HSD17B2: variants seen among roughly 807,000 people sequenced by gnomAD.
HSD17B2 encodes 17-beta-hydroxysteroid dehydrogenase type 2.
Under a neutral mutation model 26.9 loss-of-function variants are expected in HSD17B2, and 32 were observed. The observed-to-expected ratio is 1.19, with a 90% CI of 0.90 to 1.60. The LOEUF (loss-of-function observed/expected upper bound fraction) is 1.60, where lower values mean the gene tolerates loss of function less well. Ranked by LOEUF, HSD17B2 falls within the 40% of genes most tolerant of loss-of-function variation. HSD17B2 has a pLI of 0.00. For missense variants in HSD17B2, 613 were observed against 468.6 expected, an observed-to-expected ratio of 1.31 and a Z score of -2.85; for synonymous variants, 246 against 186.7, an observed-to-expected ratio of 1.32 and a Z score of -2.59.
chr16:82,036,723 C>T (rs756928353), intron 1 of HSD17B2, among the ~76,000 whole-genome samples: 8 of 152,130 alleles, frequency 5.3e-5, no homozygotes, highest in Admixed American at 1.3e-4. Flanking sequence ...AGAAAAGAAG[C>T]TTCTTTAAAT....
chr16:82,058,040 T>A (rs548952212), intron 1 of HSD17B2, among the ~76,000 whole-genome samples: 1 of 152,210 alleles, frequency 6.6e-6, no homozygotes, highest in East Asian at 1.9e-4. Context: ...TGTAACTACA[T>A]CATACTAATG....
intron 1 of HSD17B2, among the ~76,000 whole-genome samples, chr16:82,058,814 T>G (rs1641483025): frequency 6.6e-6 from 1 of 152,184 alleles, no homozygotes; most frequent in Non-Finnish European, 1.5e-5. Context: ...AATCTGATTT[T>G]TAGGCACTGT....
intron 4 of HSD17B2, chr16:82,097,284 G>GTATATATATATATACACATATATA: frequency 8.5e-6 from 1 of 118,304 alleles, no homozygotes; most frequent in Non-Finnish European, 1.9e-5. Flanking sequence ...GTGTATGTGT[G>GTATATATATATATACACATATATA]TGTGTGTGTA....
At chr16:82,053,639 C>G (rs143744728) in intron 1 of HSD17B2, among the ~76,000 whole-genome samples, 1 of 152,068 alleles carries the variant, frequency 6.6e-6, no homozygotes, top group Non-Finnish European at 1.5e-5. Flanking sequence ...AGCACCTAGC[C>G]CAGCATGGGG....
chr16:82,048,749 G>C (rs1481613499), intron 1 of HSD17B2, among the ~76,000 whole-genome samples: 1 of 152,212 alleles, frequency 6.6e-6, no homozygotes, highest in Non-Finnish European at 1.5e-5. Context: ...GGTTAGAAAG[G>C]CAATTTACTT....
chr16:82,058,895 CTG>C (rs1242551921), intron 1 of HSD17B2, among the ~76,000 whole-genome samples: 4 of 152,096 alleles, frequency 2.6e-5, no homozygotes, highest in Non-Finnish European at 5.9e-5. Context: ...GAACATGAAA[CTG>C]TGAGAAGGTG....
chr16:82,079,003 C>T (rs774768137), intron 3 of HSD17B2, among the ~76,000 whole-genome samples: 9 of 152,112 alleles, frequency 5.9e-5, no homozygotes, highest in Non-Finnish European at 1.2e-4. Flanking sequence ...TTTAATTGTG[C>T]ATTTAAAAAT....
chr16:82,042,464 A>G (rs1038588101), intron 1 of HSD17B2, among the ~76,000 whole-genome samples: 1 of 152,240 alleles, frequency 6.6e-6, no homozygotes, highest in Admixed American at 6.5e-5. Context: ...CCTCATGACT[A>G]GAGAAGGCAG....
At chr16:82,086,267 A>G (rs1904524600) in intron 3 of HSD17B2, among the ~76,000 whole-genome samples, 1 of 152,228 alleles carries the variant, frequency 6.6e-6, no homozygotes, top group Admixed American at 6.5e-5. Context: ...AAAATGTGGC[A>G]TATCCATATA....
At chr16:82,049,672 A>G (rs1471151881) in intron 1 of HSD17B2, among the ~76,000 whole-genome samples, 1 of 152,248 alleles carries the variant, frequency 6.6e-6, no homozygotes. Context: ...CATAAACAAG[A>G]GAGTCTTGGA....
chr16:82,090,064 A>G (rs1904639088), intron 3 of HSD17B2: 1 of 182,270 alleles, frequency 5.5e-6, no homozygotes. Context: ...CCCTAGAATA[A>G]GTCCTTTCTC....
chr16:82,035,453 G>C lies in HSD17B2; in HGVS notation c.29G>C (p.Trp10Ser), dbSNP rs752150699. 6.2e-7 allele frequency: 1 copy of C among 1,613,514 alleles called. No homozygotes were observed. The highest frequency in any genetic ancestry group is 8.5e-7 in the Non-Finnish European group (1 of 1,179,812). ...AGCACTTTCTTCTCGGACACAGCAT[G>C]GATCTGCCTGGCTGTCCCCACAGTA... MSTFFSDTA[W>S]ICLAVPTVLC... Residue 10 changes from tryptophan to serine, a missense_variant, in exon 1 of 5, where the codon TGG becomes TCG. By Grantham distance (177) the Trp-to-Ser change is radical (BLOSUM62 -3). Transcript: ENST00000199936.
intron 1 of HSD17B2, among the ~76,000 whole-genome samples, chr16:82,058,746 C>T (rs191464295): frequency 4.6e-5 from 7 of 152,112 alleles, no homozygotes; most frequent in Non-Finnish European, 8.8e-5. Context: ...AATATAGAAT[C>T]GAGAAACCCT....
chr16:82,050,625 C>T (rs1005819279), intron 1 of HSD17B2, among the ~76,000 whole-genome samples: 2 of 152,126 alleles, frequency 1.3e-5, no homozygotes, highest in Non-Finnish European at 2.9e-5. Context: ...GGAATCCGAG[C>T]CCCCAGATCC....
At chr16:82,051,508 C>G (rs568476764) in intron 1 of HSD17B2, among the ~76,000 whole-genome samples, 26 of 151,488 alleles carry the variant, frequency 1.7e-4, no homozygotes, top group Non-Finnish European at 3.4e-4. Context: ...TAAGTGGGAA[C>G]TGAACTATGA....
chr16:82,061,142 C>A (rs1739465442), intron 1 of HSD17B2, among the ~76,000 whole-genome samples: 1 of 151,848 alleles, frequency 6.6e-6, no homozygotes, highest in African/African-American at 2.4e-5. Flanking sequence ...GCATGTAATC[C>A]CAGCTACTTG....
intron 3 of HSD17B2, among the ~76,000 whole-genome samples, chr16:82,079,660 A>G (rs1230102439): frequency 6.6e-6 from 1 of 152,232 alleles, no homozygotes; most frequent in Non-Finnish European, 1.5e-5. Flanking sequence ...GGAATTCAGC[A>G]GAGAACACAG....
In HSD17B2 at chr16:82,053,230, C is replaced by T. The variant is rs185879656; in HGVS notation, c.266-14940C>T. The stretch of plus-strand genomic sequence containing the variant: ...TGCAGAAGTCAACAGAAGGAGCCCA[C>T]GTACATCAGGGAATTGGTGATCAGA... On this transcript the variant is annotated intron_variant, in intron 1 of 4. Transcript: ENST00000199936. 1.6e-3 allele frequency among the ~76,000 whole-genome samples: 238 copies of T among 152,210 alleles called. 1 individual carries two copies. The highest frequency in any genetic ancestry group is 0.014 in the Middle Eastern group (4 of 294).
chr16:82,089,866 G>A (rs1003188633), intron 3 of HSD17B2, among the ~76,000 whole-genome samples: 2 of 152,126 alleles, frequency 1.3e-5, no homozygotes, highest in Non-Finnish European at 1.5e-5. Context: ...CTTTCCTAGA[G>A]ATCCTTGCCT....
Sources: gnomAD v4.1 joint callset for allele counts (sites outside exome capture counted in the v4.1 genomes callset) on GRCh38, gnomAD v4.1.1 for gene constraint, MANE v1.5 for transcripts, NCBI Gene and HGNC (gene_info 2026-07-23, HGNC 2026-07-21) for gene names.